Variants in KLRG1 observed in about 807,000 individuals in gnomAD.
KLRG1 encodes the protein killer cell lectin like receptor G1.
KLRG1 carries 16 observed loss-of-function variants against 21.8 expected under a neutral mutation model. The ratio of observed to expected loss-of-function variants is 0.73; its 90% CI spans 0.50 to 1.11. KLRG1 has a LOEUF of 1.11. Among genes scored for constraint, KLRG1 ranks in the 50% most tolerant of loss-of-function variants. The probability of loss-of-function intolerance (pLI) is 0.00; values close to 1 mark genes in which losing one functional copy is unlikely to be tolerated. For missense variants in KLRG1, 173 were observed against 218.3 expected (o/e 0.79, Z 1.31); for synonymous variants, 69 against 75.9 (o/e 0.91, Z 0.47).
chr12:8,991,095 T>C (rs1475033261), intron 1 of KLRG1, among the ~76,000 whole-genome samples: 2 of 152,126 alleles, frequency 1.3e-5, no homozygotes, highest in Non-Finnish European at 2.9e-5. Context: ...GAAGCCCAAA[T>C]AGGCAAGTTT....
chr12:9,138,605 C>T, the KLRG1 span, among the ~76,000 whole-genome samples: 1 of 151,892 alleles, frequency 6.6e-6, no homozygotes, highest in East Asian at 1.9e-4. Flanking sequence ...GTATTAGAAT[C>T]TACCTGTGAA....
At chr12:9,157,146 G>A in the KLRG1 span, 11 of 1,598,738 alleles carry the variant, frequency 6.9e-6, no homozygotes, top group Non-Finnish European at 8.5e-6. Flanking sequence ...TGTTCTCATT[G>A]TTCAGCTCCC....
chr12:8,972,261 C>G (rs899406328), intron 1 of KLRG1, among the ~76,000 whole-genome samples: 2 of 152,102 alleles, frequency 1.3e-5, no homozygotes, highest in East Asian at 1.9e-4. Context: ...GGGTTCACAC[C>G]ATTCTCCTGC....
the KLRG1 span, among the ~76,000 whole-genome samples, chr12:9,193,309 C>T: frequency 6.6e-6 from 1 of 152,064 alleles, no homozygotes. Context: ...CTTCAAAGTG[C>T]ACTTATTTTT....
At chr12:8,960,876 C>T (rs1486408257) in intron 1 of KLRG1, among the ~76,000 whole-genome samples, 1 of 152,092 alleles carries the variant, frequency 6.6e-6, no homozygotes, top group African/African-American at 2.4e-5. Context: ...CTCATTTGAC[C>T]CACTCAATGT....
chr12:9,017,546 A>C, the KLRG1 span, among the ~76,000 whole-genome samples: 2 of 152,306 alleles, frequency 1.3e-5, no homozygotes, highest in East Asian at 3.9e-4. Flanking sequence ...CTGAAAATGC[A>C]TTTGATAAAA....
intron 3 of KLRG1, among the ~76,000 whole-genome samples, chr12:8,997,340 T>G (rs1293666278): frequency 6.6e-6 from 1 of 152,306 alleles, no homozygotes; most frequent in Non-Finnish European, 1.5e-5. Flanking sequence ...CCGGCTTTTG[T>G]CAGATTCTGT....
chr12:9,146,897 A>C, the KLRG1 span, among the ~76,000 whole-genome samples: 3 of 125,822 alleles, frequency 2.4e-5, no homozygotes, highest in East Asian at 7.0e-4. Flanking sequence ...GAGAAGTTGG[A>C]GTATTGGATG....
chr12:9,058,503 A>T, the KLRG1 span: 1 of 152,100 alleles, frequency 6.6e-6, no homozygotes. Flanking sequence ...TCATATGCTC[A>T]TTGTAATATA....
chr12:9,168,551 C>G, the KLRG1 span: 1 of 232,670 alleles, frequency 4.3e-6, no homozygotes, highest in Admixed American at 5.5e-5. Context: ...TACAGCATCC[C>G]TATGAATGTC....
At chr12:9,096,295 A>C in the KLRG1 span, among the ~76,000 whole-genome samples, 1 of 152,232 alleles carries the variant, frequency 6.6e-6, no homozygotes, top group African/African-American at 2.4e-5. Flanking sequence ...ACTAGACTCA[A>C]CACTGGAATG....
chr12:8,987,517 G>GT (rs1191086096), upstream of KLRG1: 1 of 152,142 alleles, frequency 6.6e-6, no homozygotes, highest in African/African-American at 2.4e-5. Context: ...AATTTCTGTT[G>GT]TTTAAGTCAC....
At chr12:9,123,782 C>T in the KLRG1 span, among the ~76,000 whole-genome samples, 1 of 152,010 alleles carries the variant, frequency 6.6e-6, no homozygotes, top group East Asian at 1.9e-4. Flanking sequence ...AGAGTATTTT[C>T]CTAGATCCTT....
chr12:9,185,158 C>G, the KLRG1 span, among the ~76,000 whole-genome samples: 1 of 152,156 alleles, frequency 6.6e-6, no homozygotes. Context: ...ATGTTGAAAC[C>G]TAATCTAAGG....
chr12:9,156,190 A>G, the KLRG1 span: 1 of 207,828 alleles, frequency 4.8e-6, no homozygotes, highest in Non-Finnish European at 1.0e-5. Flanking sequence ...TCTTTTGTGA[A>G]GTCAGTTCCT....
At chr12:9,038,760 G>A in the KLRG1 span, among the ~76,000 whole-genome samples, 1 of 152,010 alleles carries the variant, frequency 6.6e-6, no homozygotes, top group South Asian at 2.1e-4. Flanking sequence ...TTAGCCGGGC[G>A]TGGTGGCAGG....
the KLRG1 span, among the ~76,000 whole-genome samples, chr12:9,056,493 C>T: frequency 6.6e-6 from 1 of 152,038 alleles, no homozygotes; most frequent in African/African-American, 2.4e-5. Context: ...ATCTGAAAGA[C>T]TTAGCATAAT....
intron 1 of KLRG1, among the ~76,000 whole-genome samples, chr12:8,990,959 T>C (rs1485569649): frequency 6.6e-6 from 1 of 152,180 alleles, no homozygotes; most frequent in Non-Finnish European, 1.5e-5. Context: ...TCCAAATATT[T>C]ATTATGCAGA....
the KLRG1 span, chr12:9,169,040 TAG>T: frequency 8.5e-7 from 1 of 1,179,414 alleles, no homozygotes; most frequent in Non-Finnish European, 1.3e-6. Context: ...ATATTATCCT[TAG>T]AGACTTCTCT....
Sources: gnomAD v4.1 joint callset for allele counts (sites outside exome capture counted in the v4.1 genomes callset) on GRCh38, gnomAD v4.1.1 for gene constraint, MANE v1.5 for transcripts, NCBI Gene and HGNC (gene_info 2026-07-23, HGNC 2026-07-21) for gene names.